The following NR3C1 variants were observed in gnomAD, a reference collection of about 807,000 sequenced individuals.
The protein encoded by NR3C1 is glucocorticoid receptor.
In NR3C1, 14 loss-of-function variants were observed where a neutral mutation model predicts 74.0. That is an observed-to-expected ratio of 0.19 (90% confidence interval 0.12 to 0.30). The LOEUF (loss-of-function observed/expected upper bound fraction) is 0.30. NR3C1 is among the 10% of genes least tolerant of loss of function. NR3C1 has a pLI of 1.00. For synonymous variants in NR3C1, 308 were observed against 332.5 expected (o/e 0.93, Z 0.80); for missense variants, 695 against 909.8 (o/e 0.76, Z 3.04).
chr5:143,418,859 A>C (rs937269317), intron 1 of NR3C1, among the ~76,000 whole-genome samples: 5 of 152,174 alleles, frequency 3.3e-5, no homozygotes, highest in African/African-American at 1.2e-4. Flanking sequence ...AAGTTGTGTG[A>C]CCTTGACCTA....
rs1237878450 is a variant in NR3C1, at chr5:143,400,762, C to G, written c.78G>C (p.Val26=). The G allele has an allele frequency of 6.2e-7, 1 of 1,614,200 alleles. No homozygotes were observed. The highest frequency in any genetic ancestry group is 1.1e-5 in the South Asian group (1 of 91,082). The change falls in exon 2 of 9, where the codon GTG becomes GTC. Residue 26 remains valine, a synonymous_variant. Coordinates refer to ENST00000394464, the MANE Select transcript of NR3C1 (RefSeq NM_000176.3). ...SSVLAQERGD[V]MDFYKTLRGG... Reference sequence around the variant, plus strand: ...CTCTTAGGGTTTTATAGAAGTCCATCACATCTCCCCTCTCCTGAGCAAGCA... The same window carrying G: ...CTCTTAGGGTTTTATAGAAGTCCATGACATCTCCCCTCTCCTGAGCAAGCA...
intron 1 of NR3C1, chr5:143,408,926 C>T (rs144480285): frequency 2.6e-5 from 4 of 152,248 alleles, no homozygotes; most frequent in African/African-American, 7.2e-5. Flanking sequence ...AACTGTAAGT[C>T]AAGGAAGGCT....
intron 2 of NR3C1, among the ~76,000 whole-genome samples, chr5:143,331,193 AAT>A (rs1825864612): frequency 6.6e-6 from 1 of 152,206 alleles, no homozygotes; most frequent in Non-Finnish European, 1.5e-5. Context: ...AAAAACAAGT[AAT>A]GGGGAAAGGA....
At chr5:143,402,677 C>T in intron 1 of NR3C1, 2 of 985,476 alleles carry the variant, frequency 2.0e-6, no homozygotes, top group Non-Finnish European at 2.4e-6. Context: ...AAGTTGCGGG[C>T]TGTCAGCCCC....
chr5:143,347,763 T>A (rs1267799785), intron 2 of NR3C1, among the ~76,000 whole-genome samples: 1 of 152,254 alleles, frequency 6.6e-6, no homozygotes, highest in Non-Finnish European at 1.5e-5. Flanking sequence ...GTAACAGCTC[T>A]ACCAAAATAT....
intron 2 of NR3C1, among the ~76,000 whole-genome samples, chr5:143,366,689 T>C (rs1399961610): frequency 1.3e-5 from 2 of 152,136 alleles, no homozygotes; most frequent in African/African-American, 4.8e-5. Flanking sequence ...TGAATAATTA[T>C]ACACTAACCA....
At chr5:143,429,107 TA>T (rs1484589097) in intron 1 of NR3C1, among the ~76,000 whole-genome samples, 1 of 152,204 alleles carries the variant, frequency 6.6e-6, no homozygotes, top group African/African-American at 2.4e-5. Context: ...TAATAATAAA[TA>T]ACAATGATAA....
At chr5:143,373,756 T>C (rs944756891) in intron 2 of NR3C1, among the ~76,000 whole-genome samples, 1 of 151,986 alleles carries the variant, frequency 6.6e-6, no homozygotes, top group Non-Finnish European at 1.5e-5. Flanking sequence ...CAAAATTTAC[T>C]AGTATAGTCC....
At chr5:143,328,174 G>T (rs979405202) in intron 2 of NR3C1, among the ~76,000 whole-genome samples, 1 of 152,236 alleles carries the variant, frequency 6.6e-6, no homozygotes, top group Admixed American at 6.5e-5. Flanking sequence ...AGCTGCCAAA[G>T]CTTGGGGCTT....
At chr5:143,315,046 T>C (rs150110109) in intron 2 of NR3C1, among the ~76,000 whole-genome samples, 21 of 152,316 alleles carry the variant, frequency 1.4e-4, no homozygotes, top group African/African-American at 4.8e-4. Context: ...AAAAGATAAT[T>C]TGTTGTTTTA....
intron 6 of NR3C1, among the ~76,000 whole-genome samples, chr5:143,298,166 G>A (rs1817715095): frequency 6.6e-6 from 1 of 152,164 alleles, no homozygotes; most frequent in Non-Finnish European, 1.5e-5. Flanking sequence ...TAAAGGCTTG[G>A]TCTTCTCTCA....
Position 143,403,418 on chromosome 5 carries a change from C to A in NR3C1, c.-221G>T. The A allele has an allele frequency of 1.0e-6, 1 of 981,836 alleles. No individual in the cohort carries two copies. Among genetic ancestry groups the A allele is most frequent in the African/African-American group, 1.8e-5 (1 of 56,060 alleles). The allele number at this position is 981,836 out of a possible 1,614,324, so 60.8% of individuals were successfully genotyped here. A position where few individuals can be genotyped will look rare whatever the true frequency, so the allele number is the denominator to read the frequency against. On this transcript the variant is annotated 5_prime_UTR_variant, in exon 1 of 9. Coordinates refer to ENST00000394464, the MANE Select transcript of NR3C1 (RefSeq NM_000176.3). ...CCCATTGCCCAGCTGACAAGCCAGC[C>A]CTCCGCCCCGCGCCGGGCTCCGCGG...
chr5:143,282,234 AG>A (rs1813256247), intron 8 of NR3C1, among the ~76,000 whole-genome samples, 193 bp from the exon 9 acceptor site: 1 of 152,248 alleles, frequency 6.6e-6, no homozygotes, highest in African/African-American at 2.4e-5. Flanking sequence ...AGAATTATAT[AG>A]AATTATTTCA....
At chr5:143,295,864 T>TAA (rs1380451967) in intron 6 of NR3C1, among the ~76,000 whole-genome samples, 1 of 152,222 alleles carries the variant, frequency 6.6e-6, no homozygotes, top group African/African-American at 2.4e-5. Flanking sequence ...ATTATTTAAT[T>TAA]AAAGTGTTAG....
chr5:143,376,955 A>G (rs1285744432), intron 2 of NR3C1, among the ~76,000 whole-genome samples: 1 of 152,122 alleles, frequency 6.6e-6, no homozygotes, highest in African/African-American at 2.4e-5. Flanking sequence ...GCTCTATGGG[A>G]GAGACAGATA....
intron 2 of NR3C1, among the ~76,000 whole-genome samples, chr5:143,338,770 G>A (rs1827658008): frequency 6.6e-6 from 1 of 152,096 alleles, no homozygotes; most frequent in Non-Finnish European, 1.5e-5. Flanking sequence ...TATAAATTTA[G>A]TGTAGCCTAA....
upstream of NR3C1, chr5:143,404,467 C>A (rs1008455748): frequency 1.8e-4 from 173 of 985,294 alleles, no homozygotes; most frequent in Non-Finnish European, 2.0e-4. Flanking sequence ...CGCGCTCTCG[C>A]ACTGGGAGAG....
chr5:143,368,562 C>CA (rs1185154708), intron 2 of NR3C1, among the ~76,000 whole-genome samples: 1 of 151,618 alleles, frequency 6.6e-6, no homozygotes, highest in Non-Finnish European at 1.5e-5. Context: ...CACACACACA[C>CA]ACACACCGAC....
rs531954651 is a variant in NR3C1, at chr5:143,307,699, C to T, written c.1468+2398G>A. Among the ~76,000 whole-genome samples, 10 of 151,870 alleles carry T rather than the reference C, an allele frequency of 6.6e-5. No individual in the cohort carries two copies. In the South Asian group the frequency reaches 1.0e-3, roughly 16 times the overall value. On this transcript the variant is annotated intron_variant, in intron 4 of 8. Transcript: ENST00000394464. The stretch of plus-strand genomic sequence containing the variant: ...AATGAAGATTAGAGATAATTGGGAC[C>T]GGAGAAAATAAACCAAAGGGCACTA...
Sources: gnomAD v4.1 joint callset for allele counts (sites outside exome capture counted in the v4.1 genomes callset) on GRCh38, gnomAD v4.1.1 for gene constraint, MANE v1.5 for transcripts, NCBI Gene and HGNC (gene_info 2026-07-23, HGNC 2026-07-21) for gene names.